Variants in EDIL3 observed in about 807,000 individuals in gnomAD.
EDIL3 encodes EGF like and discoidin domains 3.
EDIL3 carries 37 observed loss-of-function variants against 67.4 expected under a neutral mutation model. The ratio of observed to expected loss-of-function variants is 0.55; its 90% CI spans 0.42 to 0.72. The LOEUF (loss-of-function observed/expected upper bound fraction) is 0.72. EDIL3 is among the 30% of genes least tolerant of loss of function. The pLI, the probability that EDIL3 is intolerant of heterozygous loss-of-function variation, is 0.00. For synonymous variants in EDIL3, 195 were observed against 196.3 expected (o/e 0.99, Z 0.05); for missense variants, 527 against 586.3 (o/e 0.90, Z 1.04).
chr5:84,045,781 T>C (rs1444185689), intron 9 of EDIL3, among the ~76,000 whole-genome samples: 1 of 152,236 alleles, frequency 6.6e-6, no homozygotes, highest in African/African-American at 2.4e-5. Context: ...CAAATGCTAA[T>C]TGTATTAATT....
chr5:84,043,895 T>A, intron 9 of EDIL3, among the ~76,000 whole-genome samples: 1 of 152,186 alleles, frequency 6.6e-6, no homozygotes, highest in East Asian at 1.9e-4. Flanking sequence ...ATTTTTATTT[T>A]TATTTTTTAT....
chr5:84,353,550 T>C (rs905596365), intron 1 of EDIL3, among the ~76,000 whole-genome samples: 2 of 152,208 alleles, frequency 1.3e-5, no homozygotes, highest in African/African-American at 4.8e-5. Context: ...AACGAAAAAC[T>C]GAAATCATTT....
chr5:84,198,241 A>G (rs529635958), intron 3 of EDIL3, among the ~76,000 whole-genome samples: 1 of 151,682 alleles, frequency 6.6e-6, no homozygotes, highest in South Asian at 2.1e-4. Context: ...TATGTGGGTC[A>G]AGGCAAAAAA....
At chr5:84,298,560 C>A (rs2112127322) in intron 1 of EDIL3, among the ~76,000 whole-genome samples, 1 of 152,204 alleles carries the variant, frequency 6.6e-6, no homozygotes, top group Admixed American at 6.5e-5. Context: ...TGCAGTAAAC[C>A]ACCATGGCAC....
chr5:84,201,216 G>C (rs1337490337), intron 3 of EDIL3, among the ~76,000 whole-genome samples: 3 of 151,996 alleles, frequency 2.0e-5, no homozygotes, highest in Non-Finnish European at 4.4e-5. Context: ...GGGAAAGAAA[G>C]AAAGGTAGGG....
intron 10 of EDIL3, among the ~76,000 whole-genome samples, chr5:83,952,924 A>C (rs993785694): frequency 2.6e-5 from 4 of 151,800 alleles, no homozygotes; most frequent in Admixed American, 6.6e-5. Context: ...TGATTTAAGC[A>C]CTCAGCCATG....
Position 83,963,353 on chromosome 5 carries a change from A to T in EDIL3, c.1145T>A (p.Leu382His), listed in dbSNP as rs1397185625. Reference sequence around the variant, plus strand: ...GCCAGTCACTTTGGTTGGAACAAGAAGATCCACCTTAAAAAAAAGAAAAAT... The same window carrying T: ...GCCAGTCACTTTGGTTGGAACAAGATGATCCACCTTAAAAAAAAGAAAAAT... ...NDQSQWLQVD[L>H]LVPTKVTGII... The change falls in exon 10 of 11, where the codon CTT becomes CAT. Residue 382 changes from leucine (L) to histidine (H), a missense_variant. Physicochemically the swap from Leu to His is moderately conservative, Grantham distance 99 (BLOSUM62 -3). Transcript: ENST00000296591. The T allele has an allele frequency of 1.3e-6, 2 of 1,596,526 alleles. No individual in the cohort carries two copies. Among genetic ancestry groups the T allele is most frequent in the Non-Finnish European group, 1.7e-6 (2 of 1,173,956 alleles).
At chr5:84,079,348 C>T (rs1265948390) in intron 6 of EDIL3, among the ~76,000 whole-genome samples, 1 of 152,194 alleles carries the variant, frequency 6.6e-6, no homozygotes, top group East Asian at 1.9e-4. Flanking sequence ...CAATTAGCGT[C>T]TGAAGTCTCG....
chr5:83,979,062 A>G (rs1023990432), intron 9 of EDIL3, among the ~76,000 whole-genome samples: 4 of 152,140 alleles, frequency 2.6e-5, no homozygotes, highest in African/African-American at 9.6e-5. Flanking sequence ...ACTATGATAA[A>G]TTGTTACAAA....
At chr5:84,120,997 G>A (rs28482177) in intron 5 of EDIL3, among the ~76,000 whole-genome samples, 11,304 of 152,008 alleles carry the variant, frequency 0.074, 506 homozygotes, top group Middle Eastern at 0.13. Context: ...TGACAGTAGG[G>A]AGGGGATTAC....
chr5:84,177,394 C>G (rs1201887842), intron 4 of EDIL3, among the ~76,000 whole-genome samples: 1 of 152,056 alleles, frequency 6.6e-6, no homozygotes, highest in African/African-American at 2.4e-5. Context: ...GGAAAAACTA[C>G]AGAGACAGTA....
At chr5:84,306,062 G>A (rs1746270704) in intron 1 of EDIL3, among the ~76,000 whole-genome samples, 1 of 152,046 alleles carries the variant, frequency 6.6e-6, no homozygotes, top group Non-Finnish European at 1.5e-5. Flanking sequence ...TTAGGGATGA[G>A]GGTTCTATTC....
intron 5 of EDIL3, among the ~76,000 whole-genome samples, chr5:84,119,123 G>A (rs545367379): frequency 6.4e-4 from 96 of 150,702 alleles, no homozygotes; most frequent in Admixed American, 2.8e-3. Context: ...ATAAAAAGTC[G>A]TAGTTGGAGG....
intron 9 of EDIL3, among the ~76,000 whole-genome samples, chr5:84,037,442 G>T (rs1476239634): frequency 6.6e-6 from 1 of 152,010 alleles, no homozygotes; most frequent in African/African-American, 2.4e-5. Context: ...TAGGTAAACT[G>T]TTTTCAAATC....
At chr5:84,000,095 A>G (rs1306065208) in intron 9 of EDIL3, among the ~76,000 whole-genome samples, 1 of 152,146 alleles carries the variant, frequency 6.6e-6, no homozygotes, top group Non-Finnish European at 1.5e-5. Context: ...TTCCCAGGCA[A>G]ACAAAAAGTG....
chr5:84,037,082 C>G (rs182709823), intron 9 of EDIL3, among the ~76,000 whole-genome samples: 2 of 152,252 alleles, frequency 1.3e-5, no homozygotes, highest in Admixed American at 1.3e-4. Context: ...GAAAAGCATC[C>G]TGGGCTGCAC....
intron 1 of EDIL3, among the ~76,000 whole-genome samples, chr5:84,359,771 C>A (rs939645839): frequency 2.6e-5 from 4 of 152,116 alleles, no homozygotes; most frequent in Admixed American, 1.3e-4. Context: ...ACTGCCCAGA[C>A]AAAACACTAT....
chr5:84,078,226 C>T (rs1355179420), intron 6 of EDIL3, among the ~76,000 whole-genome samples: 1 of 151,950 alleles, frequency 6.6e-6, no homozygotes, highest in Non-Finnish European at 1.5e-5. Flanking sequence ...TTTATGTTAG[C>T]AAAGGAGAGC....
chr5:84,227,572 A>C (rs1437003337), intron 3 of EDIL3, among the ~76,000 whole-genome samples: 1 of 152,110 alleles, frequency 6.6e-6, no homozygotes, highest in African/African-American at 2.4e-5. Flanking sequence ...CAATCCCATT[A>C]CTGGGTATGT....
Sources: allele counts gnomAD v4.1 joint callset (sites outside exome capture counted in the v4.1 genomes callset), GRCh38; gene constraint gnomAD v4.1.1; transcripts MANE v1.5; gene names NCBI Gene and HGNC (gene_info 2026-07-23, HGNC 2026-07-21).